Variants in DPP10 observed in about 807,000 individuals in gnomAD.
DPP10 encodes the protein inactive dipeptidyl peptidase 10.
A neutral mutation model predicts 120.9 loss-of-function variants in DPP10; 33 were observed. The ratio of observed to expected loss-of-function variants is 0.27; its 90% CI spans 0.21 to 0.37. The LOEUF (loss-of-function observed/expected upper bound fraction) is 0.37. DPP10 is among the 10% of genes least tolerant of loss of function. The probability of loss-of-function intolerance (pLI) is 1.00; values close to 1 mark genes in which losing one functional copy is unlikely to be tolerated. For synonymous variants in DPP10, 337 were observed against 326.1 expected (o/e 1.03, Z -0.36); for missense variants, 816 against 942.8 (o/e 0.87, Z 1.76).
At chr2:115,672,782 T>C (rs2090007168) in intron 5 of DPP10, among the ~76,000 whole-genome samples, 1 of 151,508 alleles carries the variant, frequency 6.6e-6, no homozygotes, top group Non-Finnish European at 1.5e-5. Flanking sequence ...AGTCTCACTT[T>C]GTCACCCAGG....
chr2:115,576,256 G>T (rs2081648327), intron 5 of DPP10, among the ~76,000 whole-genome samples: 1 of 152,136 alleles, frequency 6.6e-6, no homozygotes, highest in African/African-American at 2.4e-5. Flanking sequence ...GCCAAGAAAA[G>T]ATAAAAATAA....
intron 5 of DPP10, among the ~76,000 whole-genome samples, chr2:115,672,680 C>CTTTCTCTCTT (rs147861157): frequency 1.8e-5 from 2 of 113,264 alleles, no homozygotes; most frequent in African/African-American, 7.2e-5. Context: ...CTCTTTCTTT[C>CTTTCTCTCTT]TCTTTCTTTC....
chr2:115,785,190 C>T (rs1329940926), intron 17 of DPP10, among the ~76,000 whole-genome samples: 2 of 152,174 alleles, frequency 1.3e-5, no homozygotes, highest in East Asian at 3.9e-4. Flanking sequence ...TTGTTTATTC[C>T]ACCAGCCGTG....
chr2:114,538,256 T>C (rs1686674265), intron 1 of DPP10, among the ~76,000 whole-genome samples: 1 of 152,170 alleles, frequency 6.6e-6, no homozygotes, highest in Admixed American at 6.5e-5. Flanking sequence ...CTCTGCTTGA[T>C]GAACAGAGAA....
At chr2:114,595,266 A>G (rs1266119813) in intron 1 of DPP10, among the ~76,000 whole-genome samples, 1 of 152,104 alleles carries the variant, frequency 6.6e-6, no homozygotes, top group East Asian at 1.9e-4. Context: ...TGCAGAAATT[A>G]AAACAACAAC....
At chr2:115,786,576 A>G (rs1268295461) in intron 17 of DPP10, among the ~76,000 whole-genome samples, 1 of 152,204 alleles carries the variant, frequency 6.6e-6, no homozygotes, top group Non-Finnish European at 1.5e-5. Flanking sequence ...GACATTCAAC[A>G]ATAGCCAGCA....
intron 1 of DPP10, among the ~76,000 whole-genome samples, chr2:114,967,827 C>T (rs549092171): frequency 1.3e-5 from 2 of 151,826 alleles, no homozygotes; most frequent in South Asian, 4.2e-4. Flanking sequence ...ATTCCCAGGG[C>T]ATTTTCCTTG....
chr2:114,539,687 T>G (rs1402955620), intron 1 of DPP10, among the ~76,000 whole-genome samples: 1 of 152,200 alleles, frequency 6.6e-6, no homozygotes. Context: ...CATTATAGAT[T>G]CAGCACATCA....
At chr2:115,064,409 G>A (rs1449422874) in intron 1 of DPP10, among the ~76,000 whole-genome samples, 1 of 152,122 alleles carries the variant, frequency 6.6e-6, no homozygotes, top group Non-Finnish European at 1.5e-5. Flanking sequence ...TAAAGCAGAT[G>A]TTTGACCTTC....
chr2:114,679,351 T>C (rs902533192), intron 1 of DPP10, among the ~76,000 whole-genome samples: 1 of 152,048 alleles, frequency 6.6e-6, no homozygotes, highest in African/African-American at 2.4e-5. Context: ...AATACTAGAA[T>C]AATTGTTTTA....
intron 3 of DPP10, among the ~76,000 whole-genome samples, chr2:115,394,067 A>G (rs1424405911): frequency 6.6e-6 from 1 of 152,248 alleles, no homozygotes; most frequent in Non-Finnish European, 1.5e-5. Context: ...TTGGAAAATT[A>G]TGCAGAGATT....
chr2:115,304,201 A>AT lies in DPP10; in HGVS notation c.61-5028dup, dbSNP rs988430061. Among the ~76,000 whole-genome samples the AT allele has an allele frequency of 5.1e-3, 757 of 149,648 alleles. 11 individuals carry two copies. The highest frequency in any genetic ancestry group is 0.016 in the African/African-American group (655 of 41,034). On this transcript the variant is annotated intron_variant, in intron 1 of 25. Transcript: ENST00000410059. Reference sequence around the variant, plus strand: ...GTGAACTGATGGAAGAGGAGACCCCATTTTTTTTTTAATTTTGAGGAACTT... The same window carrying AT: ...GTGAACTGATGGAAGAGGAGACCCCATTTTTTTTTTTAATTTTGAGGAACTT...
chr2:115,106,557 C>G (rs1304988623), intron 1 of DPP10, among the ~76,000 whole-genome samples: 1 of 152,164 alleles, frequency 6.6e-6, no homozygotes, highest in Non-Finnish European at 1.5e-5. Flanking sequence ...ATTTCCCAGG[C>G]TCAAGCGATC....
At chr2:114,454,905 A>T (rs1433884259) in intron 1 of DPP10, among the ~76,000 whole-genome samples, 1 of 152,168 alleles carries the variant, frequency 6.6e-6, no homozygotes, top group African/African-American at 2.4e-5. Flanking sequence ...CTCATTTGTC[A>T]TTGTGACTTC....
intron 1 of DPP10, among the ~76,000 whole-genome samples, chr2:114,476,329 CTG>C (rs779566449): frequency 1.8e-4 from 28 of 152,124 alleles, no homozygotes; most frequent in Non-Finnish European, 3.4e-4. Context: ...TGACAATACT[CTG>C]TGATATCCCT....
At chr2:115,035,855 G>C (rs1437833876) in intron 1 of DPP10, among the ~76,000 whole-genome samples, 1 of 152,134 alleles carries the variant, frequency 6.6e-6, no homozygotes, top group Non-Finnish European at 1.5e-5. Context: ...GATTACTCTT[G>C]TATTCGAATG....
At chr2:114,474,174 T>G (rs925575960) in intron 1 of DPP10, among the ~76,000 whole-genome samples, 1 of 152,196 alleles carries the variant, frequency 6.6e-6, no homozygotes, top group African/African-American at 2.4e-5. Flanking sequence ...GACAGTCTGG[T>G]CTCAAACTCC....
chr2:114,928,577 T>A (rs2104480884), intron 1 of DPP10, among the ~76,000 whole-genome samples: 1 of 152,260 alleles, frequency 6.6e-6, no homozygotes, highest in East Asian at 1.9e-4. Flanking sequence ...TGGAGTAGAA[T>A]GCCTGTGGCT....
intron 1 of DPP10, among the ~76,000 whole-genome samples, chr2:114,578,759 T>C (rs1171839201): frequency 6.6e-6 from 1 of 152,326 alleles, no homozygotes; most frequent in Non-Finnish European, 1.5e-5. Context: ...CTTCAGATAC[T>C]AGTATGAATT....
Sources: gnomAD v4.1 joint callset for allele counts (sites outside exome capture counted in the v4.1 genomes callset) on GRCh38, gnomAD v4.1.1 for gene constraint, MANE v1.5 for transcripts, NCBI Gene and HGNC (gene_info 2026-07-23, HGNC 2026-07-21) for gene names.